Variants in PXDNL observed in about 807,000 individuals in gnomAD.
PXDNL encodes probable oxidoreductase PXDNL.
A neutral mutation model predicts 150.8 loss-of-function variants in PXDNL; 145 were observed. That is an observed-to-expected ratio of 0.96 (90% CI 0.84 to 1.10). The LOEUF (loss-of-function observed/expected upper bound fraction) is 1.10, where lower values mean the gene tolerates loss of function less well. Among genes scored for constraint, PXDNL ranks in the 50% least tolerant of loss-of-function variants. PXDNL has a pLI of 0.00. For synonymous variants in PXDNL, 757 were observed against 725.7 expected (o/e 1.04, Z -0.69); for missense variants, 2,087 against 1,873.9 (o/e 1.11, Z -2.10).
intron 12 of PXDNL, among the ~76,000 whole-genome samples, chr8:51,437,456 C>G (rs1809435420): frequency 6.6e-6 from 1 of 152,116 alleles, no homozygotes; most frequent in South Asian, 2.1e-4. Flanking sequence ...ACTAGCTAAC[C>G]AAATTCAACA....
intron 12 of PXDNL, among the ~76,000 whole-genome samples, chr8:51,446,099 T>C (rs985374289): frequency 1.3e-5 from 2 of 152,262 alleles, no homozygotes; most frequent in African/African-American, 4.8e-5. Context: ...TAACAGACCA[T>C]ATGTAGACAG....
intron 2 of PXDNL, among the ~76,000 whole-genome samples, chr8:51,612,406 A>G (rs1325955010): frequency 6.6e-6 from 1 of 152,154 alleles, no homozygotes; most frequent in Admixed American, 6.5e-5. Flanking sequence ...GTTCATGCTG[A>G]GTATCTCTCT....
intron 1 of PXDNL, among the ~76,000 whole-genome samples, chr8:51,772,224 C>G (rs1410135499): frequency 7.1e-6 from 1 of 141,318 alleles, no homozygotes; most frequent in Non-Finnish European, 1.5e-5. Flanking sequence ...CTCTCTTTCT[C>G]TCTCTCTCTA....
At chr8:51,807,879 T>C (rs1364883571) in intron 1 of PXDNL, among the ~76,000 whole-genome samples, 1 of 152,200 alleles carries the variant, frequency 6.6e-6, no homozygotes, top group African/African-American at 2.4e-5. Flanking sequence ...ACCAAAAAAC[T>C]GTCATTACAA....
At chr8:51,475,228 C>T in intron 6 of PXDNL, 87 bp from the exon 7 acceptor site, 3 of 1,290,206 alleles carry the variant, frequency 2.3e-6, no homozygotes. Context: ...TTAATTTCCC[C>T]TGATTTACCT....
chr8:51,532,719 T>C (rs35364627), intron 4 of PXDNL, among the ~76,000 whole-genome samples: 11,223 of 152,246 alleles, frequency 0.074, 525 homozygotes, highest in Middle Eastern at 0.12. Flanking sequence ...CAACGAGATA[T>C]TAGCCATAGT....
intron 1 of PXDNL, among the ~76,000 whole-genome samples, chr8:51,705,374 T>A (rs1300869855): frequency 6.6e-6 from 1 of 152,230 alleles, no homozygotes; most frequent in Non-Finnish European, 1.5e-5. Context: ...TTAGGTTACT[T>A]GGTCTGGCAT....
chr8:51,386,578 A>T (rs970636542), intron 17 of PXDNL, among the ~76,000 whole-genome samples: 1 of 152,182 alleles, frequency 6.6e-6, no homozygotes, highest in Non-Finnish European at 1.5e-5. Flanking sequence ...AGATAAAGAG[A>T]GATAATAGAA....
intron 2 of PXDNL, among the ~76,000 whole-genome samples, chr8:51,613,897 C>T (rs2130720616): frequency 6.6e-6 from 1 of 152,302 alleles, no homozygotes; most frequent in East Asian, 1.9e-4. Flanking sequence ...ACCTAACCAT[C>T]ATCCAAATTA....
intron 3 of PXDNL, among the ~76,000 whole-genome samples, chr8:51,581,549 A>T (rs1813213815): frequency 6.6e-6 from 1 of 152,068 alleles, no homozygotes; most frequent in Admixed American, 6.6e-5. Context: ...AAAATAAAAC[A>T]TATGCACCAG....
intron 18 of PXDNL, among the ~76,000 whole-genome samples, chr8:51,372,685 C>G (rs1467587719): frequency 6.6e-6 from 1 of 152,202 alleles, no homozygotes; most frequent in Non-Finnish European, 1.5e-5. Flanking sequence ...GCACCTAGCC[C>G]TATTGTTGCA....
At position 51,498,175 on chromosome 8, in the gene PXDNL, G is replaced by A. The variant is rs188449368; in HGVS notation, c.452+1524C>T. ...AAACCATCATTCTCAGCAAACTATC[G>A]CAAGGACAGAAAACGAAACACCGCA... On this transcript the variant is annotated intron_variant, in intron 5 of 22. Coordinates refer to ENST00000356297, the MANE Select transcript of PXDNL (RefSeq NM_144651.5). Among the ~76,000 whole-genome samples, 20 of 151,058 alleles carry A rather than the reference G, an allele frequency of 1.3e-4. No homozygotes were observed. The East Asian group carries it at 1.6e-3, about 12-fold the overall frequency.
chr8:51,481,544 A>C (rs1810603722), intron 6 of PXDNL, among the ~76,000 whole-genome samples: 1 of 152,226 alleles, frequency 6.6e-6, no homozygotes, highest in Non-Finnish European at 1.5e-5. Flanking sequence ...ACAATGGGGA[A>C]AATGTCTCCA....
chr8:51,494,058 C>T (rs1273282476), intron 5 of PXDNL, among the ~76,000 whole-genome samples: 4 of 152,134 alleles, frequency 2.6e-5, no homozygotes, highest in African/African-American at 4.8e-5. Context: ...CAAAGGGAAG[C>T]CCATCAGACT....
At chr8:51,486,369 A>G (rs1201381904) in intron 5 of PXDNL, among the ~76,000 whole-genome samples, 1 of 152,170 alleles carries the variant, frequency 6.6e-6, no homozygotes, top group Non-Finnish European at 1.5e-5. Context: ...CAAACATGAT[A>G]TATGATTCCC....
chr8:51,497,051 T>A (rs1248496322), intron 5 of PXDNL, among the ~76,000 whole-genome samples: 1 of 152,120 alleles, frequency 6.6e-6, no homozygotes, highest in Admixed American at 6.5e-5. Context: ...AAGGCTACAG[T>A]AACCAAAACA....
At chr8:51,345,394 T>C (rs1340793414) in intron 20 of PXDNL, among the ~76,000 whole-genome samples, 1 of 152,188 alleles carries the variant, frequency 6.6e-6, no homozygotes, top group African/African-American at 2.4e-5. Context: ...AGTTCAAAAA[T>C]ATTCCATCTT....
At chr8:51,359,895 A>AG (rs1806659246) in intron 19 of PXDNL, among the ~76,000 whole-genome samples, 1 of 152,212 alleles carries the variant, frequency 6.6e-6, no homozygotes, top group Admixed American at 6.5e-5. Context: ...GAAAGACCAC[A>AG]GTCCAGGAAT....
intron 4 of PXDNL, among the ~76,000 whole-genome samples, chr8:51,508,053 A>G (rs1811329718): frequency 6.6e-6 from 1 of 152,208 alleles, no homozygotes; most frequent in African/African-American, 2.4e-5. Flanking sequence ...AAGAAGGGGA[A>G]AGAATTAATA....
Sources: allele counts gnomAD v4.1 joint callset (sites outside exome capture counted in the v4.1 genomes callset), GRCh38; gene constraint gnomAD v4.1.1; transcripts MANE v1.5; gene names NCBI Gene and HGNC (gene_info 2026-07-23, HGNC 2026-07-21).